Variants in TTC23 observed in about 807,000 individuals in gnomAD.
TTC23 encodes the protein tetratricopeptide repeat domain 23, also known as tetratricopeptide repeat protein 23.
TTC23 carries 58 observed loss-of-function variants against 55.1 expected under a neutral mutation model. That is an observed-to-expected ratio of 1.05 (90% CI 0.85 to 1.31). The LOEUF (loss-of-function observed/expected upper bound fraction) is 1.31. TTC23 is among the 50% of genes most tolerant of loss of function. The pLI is 0.00. For missense variants in TTC23, 516 were observed against 534.4 expected (o/e 0.97, Z 0.34); for synonymous variants, 203 against 199.9 (o/e 1.02, Z -0.13).
intron 8 of TTC23, among the ~76,000 whole-genome samples, chr15:99,210,703 T>C (rs777989288): frequency 6.6e-6 from 1 of 152,202 alleles, no homozygotes; most frequent in African/African-American, 2.4e-5. Flanking sequence ...TTTTTTTAAA[T>C]GCTGAGTCCA....
chr15:99,149,018 T>C (rs2069342726), intron 12 of TTC23, among the ~76,000 whole-genome samples: 1 of 152,228 alleles, frequency 6.6e-6, no homozygotes, highest in Admixed American at 6.5e-5. Flanking sequence ...AGTGGGTTCC[T>C]GCTGCTGAGT....
At chr15:99,247,418 ATACAAT>A (rs1326597150) in intron 1 of TTC23, among the ~76,000 whole-genome samples, 2 of 152,254 alleles carry the variant, frequency 1.3e-5, no homozygotes, top group Non-Finnish European at 2.9e-5. Context: ...ATTTACTGTA[ATACAAT>A]TACAATTAGT....
Position 99,200,060 on chromosome 15 carries a change from C to A in TTC23, c.618G>T (p.Leu206Phe), listed in dbSNP as rs900645960. The change falls in exon 9 of 14, where the codon TTG (leucine) becomes TTT (phenylalanine). Residue 206 changes from leucine to phenylalanine, a missense_variant. Leu to Phe is a conservative substitution (Grantham distance 22, BLOSUM62 0). Transcript: ENST00000394132. ...YQGQKKSKEALSHYQAALEYV... is the reference protein window; with the variant it reads ...YQGQKKSKEAFSHYQAALEYV... ...ATTCCAAAGCTGCTTGATAGTGGGA[C>A]AAAGCTTCTTTTGACTTCTTCTGAC... The A allele has an allele frequency of 9.3e-6, 15 of 1,611,912 alleles. No homozygotes were observed. Among genetic ancestry groups the A allele is most frequent in the Admixed American group, 1.7e-5 (1 of 59,898 alleles).
At chr15:99,250,182 C>T (rs1172952093), upstream of TTC23, among the ~76,000 whole-genome samples, 1 of 152,074 alleles carries the variant, frequency 6.6e-6, no homozygotes, top group Non-Finnish European at 1.5e-5. Context: ...CATTTTAAGA[C>T]CAGCAAAAAA....
At position 99,137,011 on chromosome 15, in the gene TTC23, A is replaced by G. The variant is rs1555487247; in HGVS notation, c.*999T>C. The G allele has an allele frequency of 6.6e-6, 1 of 152,234 alleles. No homozygotes were observed. The highest frequency in any genetic ancestry group is 2.4e-5 in the African/African-American group (1 of 41,424). 9.4% of individuals were successfully genotyped at this position (152,234 alleles called of 1,614,324 possible). A position where few individuals can be genotyped will look rare whatever the true frequency, so the allele number is the denominator to read the frequency against. Reference sequence around the variant, plus strand: ...CTGGAGGGGAGGGCCCTGTGCTGCAATCTGCTGTCATAGCACCAGCCTGCA... The same window carrying G: ...CTGGAGGGGAGGGCCCTGTGCTGCAGTCTGCTGTCATAGCACCAGCCTGCA... On this transcript the variant is annotated 3_prime_UTR_variant, in exon 14 of 14. Coordinates refer to ENST00000394132, the MANE Select transcript of TTC23 (RefSeq NM_001288615.3).
chr15:99,174,477 A>AT (rs78573794), intron 10 of TTC23, among the ~76,000 whole-genome samples: 4 of 151,876 alleles, frequency 2.6e-5, no homozygotes, highest in Non-Finnish European at 5.9e-5. Context: ...AAAAAAAAAA[A>AT]TCATTAGTAC....
chr15:99,199,458 T>G (rs8023937), intron 9 of TTC23, among the ~76,000 whole-genome samples: 4 of 146,056 alleles, frequency 2.7e-5, no homozygotes, highest in East Asian at 2.0e-4. Flanking sequence ...GTGTGTGTGT[T>G]TGTGTGTGTG....
rs1288968852 is a variant in TTC23, at chr15:99,241,508, C to T, written c.-257G>A. 1 of 152,294 alleles carries T rather than the reference C, an allele frequency of 6.6e-6. No individual in the cohort carries two copies. Among genetic ancestry groups the T allele is most frequent in the East Asian group, 1.9e-4 (1 of 5,202 alleles). 9.4% of individuals were successfully genotyped at this position (152,294 alleles called of 1,614,324 possible). The stretch of plus-strand genomic sequence containing the variant: ...TTCAGCTTTCTAGGTCTCTGAATCA[C>T]AACTGCCAATGAGACCTACTCAGTC... On this transcript the variant is annotated 5_prime_UTR_variant, in exon 3 of 14. The change creates a new upstream start codon in the 5' untranslated region. Transcript: ENST00000394132.
chr15:99,250,978 T>A (rs1322006302), upstream of TTC23, among the ~76,000 whole-genome samples: 1 of 152,162 alleles, frequency 6.6e-6, no homozygotes, highest in African/African-American at 2.4e-5. Flanking sequence ...GGGATTGCTG[T>A]CAAGGGTTCA....
At chr15:99,208,043 T>C (rs539598087) in intron 8 of TTC23, among the ~76,000 whole-genome samples, 3 of 152,118 alleles carry the variant, frequency 2.0e-5, no homozygotes, top group African/African-American at 4.8e-5. Context: ...TAGTAAAAAA[T>C]TGGAAACAAT....
intron 1 of TTC23, 118 bp from the exon 2 acceptor site, chr15:99,245,628 A>C (rs1186734633): frequency 6.6e-6 from 1 of 152,100 alleles, no homozygotes; most frequent in East Asian, 1.9e-4. Flanking sequence ...AGATAATTCA[A>C]TGGGAAGAGA....
chr15:99,180,996 G>T (rs1426736506), intron 9 of TTC23, among the ~76,000 whole-genome samples: 3 of 151,980 alleles, frequency 2.0e-5, no homozygotes, highest in Non-Finnish European at 4.4e-5. Context: ...TGCCAGGTGT[G>T]GTACTAAATG....
At chr15:99,226,748 T>C (rs1198138543) in intron 5 of TTC23, among the ~76,000 whole-genome samples, 1 of 152,140 alleles carries the variant, frequency 6.6e-6, no homozygotes, top group Non-Finnish European at 1.5e-5. Context: ...CACTGGCTCT[T>C]CTCTTCCTCA....
intron 12 of TTC23, among the ~76,000 whole-genome samples, chr15:99,152,125 G>A (rs536264362): frequency 2.4e-4 from 36 of 152,270 alleles, no homozygotes; most frequent in African/African-American, 8.2e-4. Flanking sequence ...CTGTCCTCAC[G>A]ATAGTGAGTG....
intron 4 of TTC23, among the ~76,000 whole-genome samples, chr15:99,234,740 C>G (rs566416452): frequency 3.3e-5 from 5 of 152,172 alleles, no homozygotes; most frequent in African/African-American, 1.2e-4. Context: ...TAAGCACATG[C>G]TTTATATTCA....
Position 99,147,225 on chromosome 15 carries a change from C to CT in TTC23, c.1144-7827dup, listed in dbSNP as rs58503901. 2.3e-3 allele frequency among the ~76,000 whole-genome samples: 260 copies of CT among 112,592 alleles called. 2 individuals carry two copies. Among genetic ancestry groups the CT allele is most frequent in the Middle Eastern group, 0.019 (3 of 158 alleles). The allele number at this position is 112,592 out of a possible 152,430, so 73.9% of individuals were successfully genotyped here. ...CAGCGCTGGGCCTCCAAATTCATTC[C>CT]TTTTTTTTTTTTTTTTTTGAGACAG... On this transcript the variant is annotated intron_variant, in intron 12 of 13. Coordinates refer to ENST00000394132, the MANE Select transcript of TTC23 (RefSeq NM_001288615.3).
chr15:99,179,750 G>T (rs893201147), intron 9 of TTC23, among the ~76,000 whole-genome samples: 2 of 152,206 alleles, frequency 1.3e-5, no homozygotes, highest in African/African-American at 4.8e-5. Flanking sequence ...AGGTGGAGGG[G>T]CCTGGAAGTC....
chr15:99,189,118 T>C (rs986663864), intron 9 of TTC23, among the ~76,000 whole-genome samples: 17 of 152,120 alleles, frequency 1.1e-4, no homozygotes, highest in Non-Finnish European at 1.9e-4. Flanking sequence ...AGTACATACA[T>C]AAAATGTATT....
chr15:99,159,761 G>A (rs1191793445), intron 11 of TTC23: 1 of 152,294 alleles, frequency 6.6e-6, no homozygotes, highest in Non-Finnish European at 1.5e-5. Context: ...ACAAGTGAGT[G>A]TTCAGTGGTC....
Sources: gnomAD v4.1 joint callset for allele counts (sites outside exome capture counted in the v4.1 genomes callset) on GRCh38, gnomAD v4.1.1 for gene constraint, MANE v1.5 for transcripts, NCBI Gene and HGNC (gene_info 2026-07-23, HGNC 2026-07-21) for gene names.